CSMD1: variants seen among roughly 807,000 people sequenced by gnomAD.
CSMD1 encodes CUB and sushi domain-containing protein 1.
In CSMD1, 213 loss-of-function variants were observed where a neutral mutation model predicts 417.5. The ratio of observed to expected loss-of-function variants is 0.51; its 90% CI spans 0.46 to 0.57. The LOEUF (loss-of-function observed/expected upper bound fraction) is 0.57. CSMD1 is among the 20% of genes least tolerant of loss of function. The pLI is 0.00. For missense variants in CSMD1, 6,923 were observed against 4,529.7 expected (o/e 1.53, Z -15.17); for synonymous variants, 2,862 against 1,736.8 (o/e 1.65, Z -16.11).
chr8:4,680,802 T>A (rs922216645), intron 1 of CSMD1, among the ~76,000 whole-genome samples: 2 of 151,912 alleles, frequency 1.3e-5, no homozygotes, highest in African/African-American at 4.8e-5. Flanking sequence ...ATGGTCTTGA[T>A]CTCTTGACTT....
At chr8:4,466,321 AG>A (rs1329507697) in intron 2 of CSMD1, among the ~76,000 whole-genome samples, 3 of 152,258 alleles carry the variant, frequency 2.0e-5, no homozygotes, top group East Asian at 3.9e-4. Flanking sequence ...AGAAGAGGGA[AG>A]AAAGAAAGGG....
chr8:4,195,069 T>G (rs2552112), intron 3 of CSMD1, among the ~76,000 whole-genome samples: 58,951 of 151,910 alleles, frequency 0.39, 11,544 homozygotes, highest in Middle Eastern at 0.46. Context: ...ATTCAGCTGT[T>G]ACGCCTAGAA....
At chr8:4,805,183 TAG>T (rs1159995297) in intron 1 of CSMD1, among the ~76,000 whole-genome samples, 1 of 152,222 alleles carries the variant, frequency 6.6e-6, no homozygotes, top group African/African-American at 2.4e-5. Flanking sequence ...CTCGTTTGTA[TAG>T]AGAGATAATA....
At chr8:4,223,703 T>C (rs1801180931) in intron 3 of CSMD1, among the ~76,000 whole-genome samples, 2 of 152,230 alleles carry the variant, frequency 1.3e-5, no homozygotes, top group South Asian at 2.1e-4. Context: ...AGCCTGAATA[T>C]TTTTTTGTTA....
At chr8:3,734,439 G>T (rs769098500) in intron 6 of CSMD1, among the ~76,000 whole-genome samples, 166 of 152,310 alleles carry the variant, frequency 1.1e-3, no homozygotes, top group Non-Finnish European at 2.1e-3. Flanking sequence ...TGCCAGGTGC[G>T]ATGGCTCACG....
intron 5 of CSMD1, among the ~76,000 whole-genome samples, chr8:3,934,177 C>G (rs997917612): frequency 6.6e-6 from 1 of 152,118 alleles, no homozygotes; most frequent in Non-Finnish European, 1.5e-5. Flanking sequence ...TGAATAGAAT[C>G]TCGGCTAAAC....
intron 9 of CSMD1, among the ~76,000 whole-genome samples, chr8:3,585,044 T>C (rs1193640095): frequency 6.6e-6 from 1 of 152,148 alleles, no homozygotes; most frequent in African/African-American, 2.4e-5. Context: ...AGGTGACAAC[T>C]CGCTATCAGC....
intron 5 of CSMD1, among the ~76,000 whole-genome samples, chr8:3,768,647 C>A (rs2129058142): frequency 6.6e-6 from 1 of 152,234 alleles, no homozygotes; most frequent in African/African-American, 2.4e-5. Flanking sequence ...TCACTTGCTC[C>A]AGAAGCTCAG....
chr8:4,219,785 A>G (rs1173016685), intron 3 of CSMD1, among the ~76,000 whole-genome samples: 1 of 152,194 alleles, frequency 6.6e-6, no homozygotes, highest in Non-Finnish European at 1.5e-5. Flanking sequence ...GTCACCAGAT[A>G]GCCATTATGT....
chr8:4,126,546 C>A (rs17332797), intron 3 of CSMD1, among the ~76,000 whole-genome samples: 9,333 of 152,252 alleles, frequency 0.061, 406 homozygotes, highest in Non-Finnish European at 0.093. Context: ...AGGGAGGCCA[C>A]TGATCCACAA....
chr8:4,609,777 C>G (rs1158469658), intron 2 of CSMD1, among the ~76,000 whole-genome samples: 2 of 152,100 alleles, frequency 1.3e-5, no homozygotes, highest in African/African-American at 2.4e-5. Flanking sequence ...GAAACAGGAA[C>G]AAACAAACAA....
At position 3,740,571 on chromosome 8, in the gene CSMD1, T is replaced by C. The variant is rs139722621; in HGVS notation, c.931+13359A>G. On this transcript the variant is annotated intron_variant, in intron 6 of 69. Transcript: ENST00000635120. The stretch of plus-strand genomic sequence containing the variant: ...GATTTCTGCCACAGGGAAAGTTATA[T>C]GGCACACACAGGAAGGAGGACGAGC... Among the ~76,000 whole-genome samples, 216 of 152,242 alleles carry C rather than the reference T, an allele frequency of 1.4e-3. 2 individuals carry two copies. Among genetic ancestry groups the C allele is most frequent in the African/African-American group, 4.8e-3 (200 of 41,552 alleles).
In CSMD1 at chr8:4,430,840, T is replaced by G. The variant is rs370635225; in HGVS notation, c.303-10775A>C. On this transcript the variant is annotated intron_variant, in intron 2 of 69. Coordinates refer to ENST00000635120, the MANE Select transcript of CSMD1 (RefSeq NM_033225.6). ...TCAATTGTCACTGCAAATACTTCAC[T>G]CCAGTGTTGTCCCCTCCACTCTTTG... Among the ~76,000 whole-genome samples, 310 of 152,258 alleles carry G rather than the reference T, an allele frequency of 2.0e-3. 2 individuals carry two copies. The highest frequency in any genetic ancestry group is 7.2e-3 in the African/African-American group (298 of 41,556).
At chr8:3,880,714 T>G (rs962089260) in intron 5 of CSMD1, among the ~76,000 whole-genome samples, 2 of 152,172 alleles carry the variant, frequency 1.3e-5, no homozygotes, top group African/African-American at 4.8e-5. Flanking sequence ...CTCCAATCCT[T>G]AAATAAGCAA....
At chr8:3,935,162 T>C (rs756192798) in intron 5 of CSMD1, among the ~76,000 whole-genome samples, 3 of 152,286 alleles carry the variant, frequency 2.0e-5, no homozygotes, top group African/African-American at 4.8e-5. Flanking sequence ...AGCAAGAATA[T>C]GGCCACGACT....
intron 17 of CSMD1, among the ~76,000 whole-genome samples, chr8:3,393,508 G>C (rs1473506372): frequency 1.3e-5 from 2 of 152,084 alleles, no homozygotes; most frequent in African/African-American, 2.4e-5. Context: ...GTGTCTGTTG[G>C]CTGCATAAAT....
intron 5 of CSMD1, among the ~76,000 whole-genome samples, chr8:3,893,180 T>C (rs982458586): frequency 5.3e-5 from 8 of 151,646 alleles, no homozygotes; most frequent in Admixed American, 2.6e-4. Flanking sequence ...TGAAAAAACA[T>C]GTTCCCAGGG....
chr8:3,229,090 C>T (rs983960442), intron 27 of CSMD1, among the ~76,000 whole-genome samples: 2 of 152,132 alleles, frequency 1.3e-5, no homozygotes, highest in African/African-American at 4.8e-5. Flanking sequence ...AGCGCCGTAT[C>T]ACAGCTCCCC....
chr8:4,399,626 A>G (rs189652503), intron 3 of CSMD1, among the ~76,000 whole-genome samples: 1 of 152,160 alleles, frequency 6.6e-6, no homozygotes, highest in East Asian at 1.9e-4. Context: ...ACCATCCTAG[A>G]TGTCAACAAT....
Sources: allele counts gnomAD v4.1 joint callset (sites outside exome capture counted in the v4.1 genomes callset), GRCh38; gene constraint gnomAD v4.1.1; transcripts MANE v1.5; gene names NCBI Gene and HGNC (gene_info 2026-07-23, HGNC 2026-07-21).